The following RELCH variants were observed in gnomAD, a reference collection of about 807,000 sequenced individuals.
The protein encoded by RELCH is RAB11 binding and LisH domain, coiled-coil and HEAT repeat containing.
In RELCH, 41 loss-of-function variants were observed where a neutral mutation model predicts 150.3. The ratio of observed to expected loss-of-function variants is 0.27; its 90% CI spans 0.21 to 0.35. RELCH has a LOEUF of 0.35. Ranked by LOEUF, RELCH falls within the 10% of genes least tolerant of loss-of-function variation. RELCH has a pLI of 1.00. For synonymous variants in RELCH, 478 were observed against 531.8 expected, an observed-to-expected ratio of 0.90 and a Z score of 1.39; for missense variants, 1,092 against 1,467.8, an observed-to-expected ratio of 0.74 and a Z score of 4.18.
Position 62,232,440 on chromosome 18 carries a change from A to C in RELCH, c.1620+13A>C, listed in dbSNP as rs781046508. 6.5e-7 allele frequency: 1 copy of C among 1,534,622 alleles called. No individual in the cohort carries two copies. The highest frequency in any genetic ancestry group is 2.3e-5 in the East Asian group (1 of 44,214). Reference sequence around the variant, plus strand: ...GGCAAAGAGAGAGGTAAGACACATGAAAGTATTTTCGTCCCAGTAATCCCA... The same window carrying C: ...GGCAAAGAGAGAGGTAAGACACATGCAAGTATTTTCGTCCCAGTAATCCCA... On this transcript the variant is annotated intron_variant, in intron 10 of 28. Transcript: ENST00000644646.
chr18:62,191,489 T>G (rs143598359), intron 1 of RELCH, among the ~76,000 whole-genome samples: 5 of 152,312 alleles, frequency 3.3e-5, no homozygotes. Context: ...TAGGTAGACA[T>G]GTGTCATGGT....
intron 25 of RELCH, among the ~76,000 whole-genome samples, chr18:62,282,824 A>AT (rs2044590142): frequency 6.6e-6 from 1 of 152,032 alleles, no homozygotes; most frequent in African/African-American, 2.4e-5. Context: ...TGCCCGGCTA[A>AT]TTTTTGTATT....
At chr18:62,231,636 G>C (rs1057506841) in intron 9 of RELCH, among the ~76,000 whole-genome samples, 2 of 151,878 alleles carry the variant, frequency 1.3e-5, no homozygotes, top group East Asian at 3.9e-4. Flanking sequence ...ATTAGGAGTG[G>C]TTATGTCCAA....
intron 2 of RELCH, among the ~76,000 whole-genome samples, chr18:62,213,469 G>A (rs1365681667): frequency 6.6e-6 from 1 of 152,066 alleles, no homozygotes; most frequent in Non-Finnish European, 1.5e-5. Context: ...TGTGGCTCAC[G>A]CCTGTAATCC....
chr18:62,204,164 A>G (rs1213807861), intron 1 of RELCH, among the ~76,000 whole-genome samples: 1 of 152,100 alleles, frequency 6.6e-6, no homozygotes, highest in Non-Finnish European at 1.5e-5. Flanking sequence ...CTAGTCTTCT[A>G]TGTACTTTTA....
intron 1 of RELCH, among the ~76,000 whole-genome samples, chr18:62,190,550 C>A (rs931144594): frequency 2.0e-5 from 3 of 152,116 alleles, no homozygotes; most frequent in African/African-American, 7.2e-5. Context: ...GCAGTCCAGC[C>A]TGGGCGACAG....
chr18:62,212,153 A>T (rs985747160), intron 2 of RELCH, among the ~76,000 whole-genome samples: 2 of 152,180 alleles, frequency 1.3e-5, no homozygotes, highest in Non-Finnish European at 2.9e-5. Flanking sequence ...ACACCAGATA[A>T]GCCCCATTGG....
In RELCH at chr18:62,255,470, T is replaced by C. The variant is rs1290333051; in HGVS notation, c.1888T>C (p.Tyr630His). 30 of 1,590,944 alleles carry C rather than the reference T, an allele frequency of 1.9e-5. No homozygotes were observed. Among genetic ancestry groups the C allele is most frequent in the Non-Finnish European group, 2.6e-5 (30 of 1,172,510 alleles). Residue 630 changes from tyrosine (Y) to histidine (H), a missense_variant, in exon 13 of 29, where the codon TAC (tyrosine) becomes CAC (histidine). Coordinates refer to ENST00000644646, the MANE Select transcript of RELCH (RefSeq NM_001346231.2). ...AGAATCCTGTGGAGCACTGGCACCTTACCTTCCTGTAAGATTGTCTTTTTT... is the reference window on the plus strand; with the variant it reads ...AGAATCCTGTGGAGCACTGGCACCTCACCTTCCTGTAAGATTGTCTTTTTT... ...VAESCGALAPYLPKEIRSSLV... is the reference protein window; with the variant it reads ...VAESCGALAPHLPKEIRSSLV...
chr18:62,212,343 G>A (rs2040222865), intron 2 of RELCH, among the ~76,000 whole-genome samples: 1 of 152,192 alleles, frequency 6.6e-6, no homozygotes, highest in Admixed American at 6.5e-5. Context: ...GATGGAGAAA[G>A]CAGACAGACA....
intron 13 of RELCH, among the ~76,000 whole-genome samples, chr18:62,256,535 G>T (rs532321123): frequency 2.0e-4 from 30 of 152,088 alleles, no homozygotes; most frequent in African/African-American, 7.0e-4. Flanking sequence ...GGATAAATAG[G>T]CTGTTCTACT....
At chr18:62,209,154 C>T (rs2039999704) in intron 1 of RELCH, among the ~76,000 whole-genome samples, 1 of 152,192 alleles carries the variant, frequency 6.6e-6, no homozygotes, top group African/African-American at 2.4e-5. Flanking sequence ...AGAATGTGGA[C>T]ATCTGTGAGG....
chr18:62,193,211 A>G (rs1599760085), intron 1 of RELCH, among the ~76,000 whole-genome samples: 1 of 152,184 alleles, frequency 6.6e-6, no homozygotes, highest in Non-Finnish European at 1.5e-5. Flanking sequence ...ATATTTGCAC[A>G]TTAATTTTGT....
intron 2 of RELCH, among the ~76,000 whole-genome samples, chr18:62,219,436 A>G (rs1000898853): frequency 6.9e-6 from 1 of 145,040 alleles, no homozygotes; most frequent in African/African-American, 2.5e-5. Flanking sequence ...CATGATATAT[A>G]TATTTATTTA....
chr18:62,267,452 G>GTGTGTGTGTA (rs1273575285), intron 19 of RELCH, among the ~76,000 whole-genome samples: 2 of 148,756 alleles, frequency 1.3e-5, no homozygotes, highest in Non-Finnish European at 3.0e-5. Context: ...GTGTGTGTGT[G>GTGTGTGTGTA]TGTATAGAAT....
intron 10 of RELCH, among the ~76,000 whole-genome samples, chr18:62,236,731 T>C (rs989355075): frequency 2.6e-5 from 4 of 151,902 alleles, no homozygotes; most frequent in Non-Finnish European, 2.9e-5. Context: ...AGCTAAACGT[T>C]TGTCAATTTT....
At chr18:62,258,905 A>G (rs1175779603) in intron 15 of RELCH, among the ~76,000 whole-genome samples, 3 of 152,018 alleles carry the variant, frequency 2.0e-5, no homozygotes, top group African/African-American at 7.2e-5. Context: ...GTTAACTGAA[A>G]TGCACCTTCA....
chr18:62,211,260 G>A lies in RELCH; in HGVS notation c.616+18G>A. 7.0e-7 allele frequency: 1 copy of A among 1,435,288 alleles called. No individual in the cohort carries two copies. The highest frequency in any genetic ancestry group is 9.8e-7 in the Non-Finnish European group (1 of 1,022,374). 88.9% of individuals were successfully genotyped at this position (1,435,288 alleles called of 1,614,324 possible). A position where few individuals can be genotyped will look rare whatever the true frequency, so the allele number is the denominator to read the frequency against. On this transcript the variant is annotated intron_variant, in intron 2 of 28. Coordinates refer to ENST00000644646, the MANE Select transcript of RELCH (RefSeq NM_001346231.2). The stretch of plus-strand genomic sequence containing the variant: ...AGTGGCAGGTGAGTAAAATTGTAAG[G>A]ACAGATTTGGATTCTTTGACATTCC...
intron 11 of RELCH, 49 bp from the exon 12 acceptor site, chr18:62,252,615 G>C: frequency 7.1e-7 from 1 of 1,399,612 alleles, no homozygotes; most frequent in African/African-American, 1.4e-5. Flanking sequence ...CTTAGTCCTA[G>C]TTGTGCTTTC....
At position 62,301,575 on chromosome 18, in the gene RELCH, T is replaced by A. The variant is rs2045666136; in HGVS notation, c.3530+2715T>A. Among the ~76,000 whole-genome samples, 6 of 152,216 alleles carry A rather than the reference T, an allele frequency of 3.9e-5. No homozygotes were observed. In the South Asian group the frequency reaches 1.0e-3, roughly 26 times the overall value. On this transcript the variant is annotated intron_variant, in intron 28 of 28. Coordinates refer to ENST00000644646, the MANE Select transcript of RELCH (RefSeq NM_001346231.2). ...GAACTTTGGTTGTCTAGCGTTAGTG[T>A]CCATCAGAATCACCTGGAAATTGCT...
Sources: allele counts gnomAD v4.1 joint callset (sites outside exome capture counted in the v4.1 genomes callset), GRCh38; gene constraint gnomAD v4.1.1; transcripts MANE v1.5; gene names NCBI Gene and HGNC (gene_info 2026-07-23, HGNC 2026-07-21).